The following ESRRB variants were observed in gnomAD, a reference collection of about 807,000 sequenced individuals.
ESRRB encodes the protein steroid hormone receptor ERR2.
A neutral mutation model predicts 46.0 loss-of-function variants in ESRRB; 16 were observed. That is an observed-to-expected ratio of 0.35 (90% CI 0.24 to 0.53). The LOEUF is 0.53. Ranked by LOEUF, ESRRB falls within the 20% of genes least tolerant of loss-of-function variation. The probability of loss-of-function intolerance (pLI) is 0.93; values close to 1 mark genes in which losing one functional copy is unlikely to be tolerated. For synonymous variants in ESRRB, 246 were observed against 259.6 expected, an observed-to-expected ratio of 0.95 and a Z score of 0.50; for missense variants, 488 against 607.4, an observed-to-expected ratio of 0.80 and a Z score of 2.07.
chr14:76,408,751 G>A (rs1373926744), intron 1 of ESRRB, among the ~76,000 whole-genome samples: 1 of 152,116 alleles, frequency 6.6e-6, no homozygotes, highest in Non-Finnish European at 1.5e-5. Context: ...ACTGGCCAGG[G>A]AAAGCTCCTG....
At chr14:76,358,032 C>T (rs1339984683) in intron 1 of ESRRB, among the ~76,000 whole-genome samples, 10 of 152,130 alleles carry the variant, frequency 6.6e-5, no homozygotes, top group Admixed American at 3.3e-4. Flanking sequence ...AAATTGCAGG[C>T]TGGGCACGGT....
intron 1 of ESRRB, among the ~76,000 whole-genome samples, chr14:76,405,664 A>C (rs1428632328): frequency 6.6e-6 from 1 of 150,610 alleles, no homozygotes; most frequent in East Asian, 2.0e-4. Flanking sequence ...TAGCCAAACT[A>C]CCCTTAGGAT....
At chr14:76,414,790 A>G (rs1886627812) in intron 1 of ESRRB, among the ~76,000 whole-genome samples, 1 of 151,330 alleles carries the variant, frequency 6.6e-6, no homozygotes, top group African/African-American at 2.4e-5. Context: ...TTTCCCAGAG[A>G]GGCACCAGGT....
At chr14:76,465,087 G>T (rs1380168068) in intron 3 of ESRRB, among the ~76,000 whole-genome samples, 1 of 152,090 alleles carries the variant, frequency 6.6e-6, no homozygotes, top group East Asian at 1.9e-4. Context: ...AGTATCCGCG[G>T]CACTTAGAGC....
chr14:76,401,785 C>T (rs1443655481), intron 1 of ESRRB, among the ~76,000 whole-genome samples: 1 of 152,150 alleles, frequency 6.6e-6, no homozygotes, highest in Non-Finnish European at 1.5e-5. Flanking sequence ...GATGACATCT[C>T]CTAACAATGC....
At chr14:76,416,133 C>CTTTTTTT (rs550161182) in intron 1 of ESRRB, among the ~76,000 whole-genome samples, 1 of 131,748 alleles carries the variant, frequency 7.6e-6, no homozygotes, top group African/African-American at 3.0e-5. Context: ...ACCATTTTCC[C>CTTTTTTT]TTTTTTTTTT....
chr14:76,330,271 G>A (rs1883997182), intron 1 of ESRRB, among the ~76,000 whole-genome samples: 2 of 152,292 alleles, frequency 1.3e-5, no homozygotes, highest in East Asian at 3.9e-4. Flanking sequence ...TGGGGTCCCG[G>A]GAGCCAGGCT....
chr14:76,363,391 A>G (rs559870389), intron 1 of ESRRB, among the ~76,000 whole-genome samples: 195 of 152,212 alleles, frequency 1.3e-3, no homozygotes, highest in Non-Finnish European at 2.4e-3. Context: ...TCATGGGGAA[A>G]TTTTGCTTGG....
At chr14:76,398,300 C>T (rs770803419) in intron 1 of ESRRB, among the ~76,000 whole-genome samples, 2 of 152,172 alleles carry the variant, frequency 1.3e-5, no homozygotes, top group African/African-American at 2.4e-5. Flanking sequence ...AGTCACAGAT[C>T]TAACACAAGG....
intron 2 of ESRRB, among the ~76,000 whole-genome samples, chr14:76,458,168 A>G (rs1017931834): frequency 6.6e-5 from 10 of 151,806 alleles, no homozygotes; most frequent in Admixed American, 2.0e-4. Flanking sequence ...TCCTGAGAGA[A>G]CTCATCCCCA....
intron 1 of ESRRB, among the ~76,000 whole-genome samples, chr14:76,381,029 C>T (rs990440033): frequency 6.6e-6 from 1 of 152,130 alleles, no homozygotes; most frequent in Non-Finnish European, 1.5e-5. Flanking sequence ...TGGTGAGTTT[C>T]CCCTTCCTCA....
chr14:76,439,792 G>T, intron 2 of ESRRB, 42 bp downstream of exon 2: 1 of 1,601,174 alleles, frequency 6.2e-7, no homozygotes, highest in Non-Finnish European at 8.5e-7. Context: ...AGGGTTGGGG[G>T]TGGCAGCCGT....
intron 2 of ESRRB, among the ~76,000 whole-genome samples, chr14:76,454,815 C>A (rs1198565360): frequency 6.6e-6 from 1 of 152,160 alleles, no homozygotes; most frequent in African/African-American, 2.4e-5. Flanking sequence ...AAATTTATTT[C>A]TAATTCTTTT....
chr14:76,438,915 C>T (rs1054802450), intron 1 of ESRRB, among the ~76,000 whole-genome samples: 2 of 152,090 alleles, frequency 1.3e-5, no homozygotes, highest in Non-Finnish European at 2.9e-5. Flanking sequence ...ATCCTCCCTC[C>T]TCAGCTCCTG....
intron 3 of ESRRB, among the ~76,000 whole-genome samples, chr14:76,466,356 T>G (rs1889110342): frequency 6.6e-6 from 1 of 152,110 alleles, no homozygotes; most frequent in Admixed American, 6.5e-5. Flanking sequence ...AGAGATCGTT[T>G]CCCAGTTTGG....
chr14:76,358,359 GAAAGAAAGAAAGAAAGAAAGA>G lies in ESRRB; in HGVS notation c.2+47446_2+47466del, dbSNP rs1884417981. Among the ~76,000 whole-genome samples the G allele has an allele frequency of 1.2e-4, 6 of 51,926 alleles. 3 individuals are homozygous for G. Among genetic ancestry groups the G allele is most frequent in the Admixed American group, 8.9e-4 (4 of 4,498 alleles). The allele number at this position is 51,926 out of a possible 152,430, so 34.1% of individuals were successfully genotyped here. On this transcript the variant is annotated intron_variant, in intron 1 of 6. Coordinates refer to the ESRRB transcript ENST00000512784. ...AGAAAGAAAGAAAGAAAGAAAGAAA[GAAAGAAAGAAAGAAAGAAAGA>G]AAGAAAGAAAGAAAGAAAGAAAGAA...
At chr14:76,362,343 C>G (rs1395733263) in intron 1 of ESRRB, among the ~76,000 whole-genome samples, 1 of 152,196 alleles carries the variant, frequency 6.6e-6, no homozygotes, top group East Asian at 1.9e-4. Flanking sequence ...ACTCCAAAGC[C>G]AGTGCTCTTA....
Position 76,462,551 on chromosome 14 carries a change from T to C in ESRRB, c.467T>C (p.Ile156Thr), listed in dbSNP as rs1395019178. The C allele has an allele frequency of 1.9e-6, 3 of 1,613,452 alleles. No homozygotes were observed. The highest frequency in any genetic ancestry group is 1.7e-5 in the Admixed American group (1 of 59,990). ...TCTCTGTGTCTGGTTGCAGGGAACA[T>C]TGAGTACAGCTGCCCGGCCACCAAC... ...AFFKRTIQGN[I>T]EYSCPATNEC... The change falls in exon 3 of 7, where the codon ATT (isoleucine) becomes ACT (threonine). Residue 156 changes from isoleucine (I) to threonine (T), a missense_variant. Ile to Thr is a moderately conservative substitution (Grantham distance 89). Transcript: ENST00000644823.
chr14:76,326,584 G>A (rs758432643), intron 1 of ESRRB, among the ~76,000 whole-genome samples: 14 of 152,170 alleles, frequency 9.2e-5, no homozygotes, highest in Non-Finnish European at 1.9e-4. Context: ...GCTGGCGTTT[G>A]TGGACACAAA....
Sources: gnomAD v4.1 joint callset for allele counts (sites outside exome capture counted in the v4.1 genomes callset) on GRCh38, gnomAD v4.1.1 for gene constraint, MANE v1.5 for transcripts, NCBI Gene and HGNC (gene_info 2026-07-23, HGNC 2026-07-21) for gene names.